Variants in ZCCHC4 observed in about 807,000 individuals in gnomAD.
ZCCHC4 encodes zinc finger CCHC-type containing 4.
Under a neutral mutation model 67.7 loss-of-function variants are expected in ZCCHC4, and 54 were observed. The observed-to-expected ratio is 0.80, with a 90% CI of 0.64 to 1.00. ZCCHC4 has a LOEUF of 1.00. Ranked by LOEUF, ZCCHC4 falls within the 50% of genes least tolerant of loss-of-function variation. The pLI is 0.00. For synonymous variants in ZCCHC4, 198 were observed against 213.5 expected (o/e 0.93, Z 0.63); for missense variants, 609 against 617.0 (o/e 0.99, Z 0.14).
At chr4:25,340,867 C>T (rs879349969) in intron 5 of ZCCHC4, among the ~76,000 whole-genome samples, 8 of 152,134 alleles carry the variant, frequency 5.3e-5, no homozygotes, top group Non-Finnish European at 7.3e-5. Flanking sequence ...TTGGACTGCT[C>T]GGGTTCACTT....
At chr4:25,323,018 C>G (rs1022464352) in intron 3 of ZCCHC4, among the ~76,000 whole-genome samples, 1 of 152,208 alleles carries the variant, frequency 6.6e-6, no homozygotes, top group African/African-American at 2.4e-5. Flanking sequence ...CTTTGCATCA[C>G]ATCAAAAGGC....
chr4:25,356,850 A>G (rs747834343), intron 8 of ZCCHC4, among the ~76,000 whole-genome samples: 8 of 152,104 alleles, frequency 5.3e-5, no homozygotes, highest in Non-Finnish European at 1.0e-4. Context: ...TTTGTAGTAA[A>G]ATCTATTTTT....
Position 25,316,333 on chromosome 4 carries a change from G to T in ZCCHC4, c.329+933G>T, listed in dbSNP as rs1718263165. Among the ~76,000 whole-genome samples, 3 of 152,240 alleles carry T rather than the reference G, an allele frequency of 2.0e-5. No homozygotes were observed. In the South Asian group the frequency reaches 6.2e-4, roughly 32 times the overall value. ...GAGACCCTGTCTTCAATTCTTTTGGGTATATACCTAGATGTGGAATTGTCA... is the reference window on the plus strand; with the variant it reads ...GAGACCCTGTCTTCAATTCTTTTGGTTATATACCTAGATGTGGAATTGTCA... On this transcript the variant is annotated intron_variant, in intron 3 of 12. Coordinates refer to ENST00000302874, the MANE Select transcript of ZCCHC4 (RefSeq NM_024936.3).
chr4:25,325,176 G>A (rs1389788233), intron 3 of ZCCHC4, among the ~76,000 whole-genome samples: 5 of 127,756 alleles, frequency 3.9e-5, no homozygotes, highest in African/African-American at 1.3e-4. Context: ...CCCGGGAGGC[G>A]GAGCCTGCAG....
At chr4:25,317,087 A>G (rs1718301645) in intron 3 of ZCCHC4, among the ~76,000 whole-genome samples, 1 of 152,218 alleles carries the variant, frequency 6.6e-6, no homozygotes, top group East Asian at 1.9e-4. Flanking sequence ...ATTGTACAGT[A>G]TGTGCTGGGA....
At position 25,331,361 on chromosome 4, in the gene ZCCHC4, G is replaced by C. The variant is rs190574550; in HGVS notation, c.330-1822G>C. Among the ~76,000 whole-genome samples, 23 of 152,242 alleles carry C rather than the reference G, an allele frequency of 1.5e-4. No homozygotes were observed. In the East Asian group the frequency reaches 4.1e-3, roughly 27 times the overall value. On this transcript the variant is annotated intron_variant, in intron 3 of 12. Transcript: ENST00000302874. ...ACTCTGTTGCCTAGGCTGGAGTGTG[G>C]TGGCATAATCATAGCTCACTGCAGC...
At chr4:25,341,827 C>T (rs1719768835) in intron 5 of ZCCHC4, among the ~76,000 whole-genome samples, 1 of 152,206 alleles carries the variant, frequency 6.6e-6, no homozygotes, top group African/African-American at 2.4e-5. Context: ...ATCTCCAGAA[C>T]TCTTCATCTT....
intron 3 of ZCCHC4, among the ~76,000 whole-genome samples, chr4:25,328,927 C>G (rs1012833172): frequency 1.3e-5 from 2 of 152,190 alleles, no homozygotes; most frequent in Non-Finnish European, 2.9e-5. Flanking sequence ...GTGGCTCTTG[C>G]CTATAATCCC....
chr4:25,355,322 T>G (rs1369043823), intron 8 of ZCCHC4, among the ~76,000 whole-genome samples: 1 of 152,194 alleles, frequency 6.6e-6, no homozygotes, highest in Admixed American at 6.5e-5. Context: ...AAAGAGATGG[T>G]AGATAAGTTT....
chr4:25,319,983 C>T (rs540634611), intron 3 of ZCCHC4, among the ~76,000 whole-genome samples: 8 of 152,098 alleles, frequency 5.3e-5, no homozygotes, highest in Non-Finnish European at 1.2e-4. Context: ...TTTTTAAAAT[C>T]ATTTGTAAGG....
chr4:25,327,950 T>G (rs892759872), intron 3 of ZCCHC4, among the ~76,000 whole-genome samples: 1 of 152,242 alleles, frequency 6.6e-6, no homozygotes, highest in African/African-American at 2.4e-5. Flanking sequence ...TTCGTCATGA[T>G]GTAATAGCTT....
chr4:25,351,690 G>A lies in ZCCHC4; in HGVS notation c.1011+1G>A. The A allele has an allele frequency of 1.2e-6, 2 of 1,603,502 alleles. No homozygotes were observed. Among genetic ancestry groups the A allele is most frequent in the Non-Finnish European group, 1.7e-6 (2 of 1,172,968 alleles). On this transcript the variant is annotated splice_donor_variant, in intron 8 of 12. Transcript: ENST00000302874. LOFTEE classifies it high-confidence loss of function. ...AAGCTTCCAGATGCTGGATTACCAG[G>A]TAGAGTACATATTCTGTTTTCTGGC... is the stretch of plus-strand genomic sequence containing the variant.
intron 3 of ZCCHC4, among the ~76,000 whole-genome samples, chr4:25,325,241 CAAAAAA>C (rs11318046): frequency 1.6e-4 from 12 of 74,744 alleles, no homozygotes; most frequent in Admixed American, 3.6e-4. Context: ...GACTCCGTCT[CAAAAAA>C]AAAAAAAAAA....
At chr4:25,352,832 G>C (rs1720364547) in intron 8 of ZCCHC4, among the ~76,000 whole-genome samples, 1 of 152,164 alleles carries the variant, frequency 6.6e-6, no homozygotes, top group Admixed American at 6.5e-5. Context: ...CTAGCACTTG[G>C]TTCTAATCTT....
At chr4:25,336,553 C>T (rs1285730990) in intron 5 of ZCCHC4, among the ~76,000 whole-genome samples, 1 of 152,174 alleles carries the variant, frequency 6.6e-6, no homozygotes, top group Non-Finnish European at 1.5e-5. Context: ...ATGGTGCGAT[C>T]TCAGCTCACT....
At chr4:25,343,720 A>G (rs1000863355) in intron 5 of ZCCHC4, among the ~76,000 whole-genome samples, 3 of 152,208 alleles carry the variant, frequency 2.0e-5, no homozygotes, top group Admixed American at 1.3e-4. Flanking sequence ...GCTCTTAACC[A>G]CAGTTAATGG....
intron 5 of ZCCHC4, among the ~76,000 whole-genome samples, chr4:25,342,732 G>T (rs925792849): frequency 6.6e-6 from 1 of 152,124 alleles, no homozygotes; most frequent in African/African-American, 2.4e-5. Flanking sequence ...TCAATGGAGA[G>T]AATAATTCTT....
At chr4:25,364,967 A>G in intron 11 of ZCCHC4, 55 bp from the exon 12 acceptor site, 2 of 1,606,828 alleles carry the variant, frequency 1.2e-6, no homozygotes, top group Admixed American at 1.7e-5. Flanking sequence ...AAAGTTAATA[A>G]GATGAAAAAT....
chr4:25,364,585 A>C, intron 11 of ZCCHC4, 80 bp downstream of exon 11: 1 of 1,244,400 alleles, frequency 8.0e-7, no homozygotes, highest in Non-Finnish European at 1.1e-6. Flanking sequence ...TTTTCATTGG[A>C]TTTATAAACG....
Sources: allele counts gnomAD v4.1 joint callset (sites outside exome capture counted in the v4.1 genomes callset), GRCh38; gene constraint gnomAD v4.1.1; transcripts MANE v1.5; gene names NCBI Gene and HGNC (gene_info 2026-07-23, HGNC 2026-07-21).